The following MAML3 variants were observed in gnomAD, a reference collection of about 807,000 sequenced individuals.
The protein encoded by MAML3 is mastermind-like protein 3.
A neutral mutation model predicts 101.9 loss-of-function variants in MAML3; 27 were observed. That is an observed-to-expected ratio of 0.27 (90% CI 0.20 to 0.37). The LOEUF is 0.37. Among genes scored for constraint, MAML3 ranks in the 10% least tolerant of loss-of-function variants. The probability of loss-of-function intolerance (pLI) is 1.00; values close to 1 mark genes in which losing one functional copy is unlikely to be tolerated. For synonymous variants in MAML3, 501 were observed against 555.9 expected (o/e 0.90, Z 1.39); for missense variants, 1,316 against 1,444.9 (o/e 0.91, Z 1.45).
At chr4:140,011,085 T>C (rs563345113) in intron 1 of MAML3, among the ~76,000 whole-genome samples, 3 of 112,660 alleles carry the variant, frequency 2.7e-5, no homozygotes, top group Non-Finnish European at 5.6e-5. Flanking sequence ...GCGACAGGGC[T>C]AGACTCTGTC....
chr4:140,147,122 A>C (rs1302869219), intron 1 of MAML3, among the ~76,000 whole-genome samples: 1 of 101,044 alleles, frequency 9.9e-6, no homozygotes, highest in African/African-American at 4.3e-5. Flanking sequence ...GCAGAGTGAG[A>C]CTCCATCTCA....
At chr4:140,104,381 ATATATAT>A (rs1183727692) in intron 1 of MAML3, among the ~76,000 whole-genome samples, 1 of 47,740 alleles carries the variant, frequency 2.1e-5, no homozygotes, top group Admixed American at 2.6e-4. Context: ...TATATAATAT[ATATATAT>A]TATATATTAT....
intron 1 of MAML3, among the ~76,000 whole-genome samples, chr4:140,118,364 T>G (rs375632940): frequency 1.3e-5 from 2 of 152,028 alleles, no homozygotes; most frequent in East Asian, 3.9e-4. Flanking sequence ...AGGTTGAAGA[T>G]TAAATGATCT....
intron 1 of MAML3, among the ~76,000 whole-genome samples, chr4:139,938,080 A>G (rs968357295): frequency 2.0e-5 from 3 of 152,130 alleles, no homozygotes; most frequent in African/African-American, 7.2e-5. Context: ...GTGTGTATAT[A>G]TTTACATCCC....
chr4:140,059,464 G>A (rs565698348), intron 1 of MAML3, among the ~76,000 whole-genome samples: 1 of 152,322 alleles, frequency 6.6e-6, no homozygotes, highest in African/African-American at 2.4e-5. Flanking sequence ...ATGTGCTCAG[G>A]AACAGCTGCT....
chr4:139,894,543 G>GAAAA (rs1165734148), intron 1 of MAML3, among the ~76,000 whole-genome samples: 1 of 151,456 alleles, frequency 6.6e-6, no homozygotes, highest in Non-Finnish European at 1.5e-5. Context: ...AAGAAAGAAA[G>GAAAA]AAAGAAAGAA....
intron 1 of MAML3, among the ~76,000 whole-genome samples, chr4:140,080,718 A>G (rs1323211632): frequency 6.6e-6 from 1 of 152,176 alleles, no homozygotes; most frequent in Non-Finnish European, 1.5e-5. Flanking sequence ...TGTTTTCCCA[A>G]TGCAGAGGCC....
chr4:139,792,509 A>C (rs1730432504), intron 2 of MAML3, among the ~76,000 whole-genome samples: 1 of 152,226 alleles, frequency 6.6e-6, no homozygotes, highest in Admixed American at 6.5e-5. Context: ...CCACCATGGC[A>C]TAGCTATTCT....
At chr4:139,885,649 C>T (rs567627179) in intron 2 of MAML3, among the ~76,000 whole-genome samples, 1 of 150,752 alleles carries the variant, frequency 6.6e-6, no homozygotes, top group Non-Finnish European at 1.5e-5. Flanking sequence ...GTAGGCCGGG[C>T]GCCGTGGCTC....
chr4:139,975,760 A>G (rs978542723), intron 1 of MAML3, among the ~76,000 whole-genome samples: 2 of 152,210 alleles, frequency 1.3e-5, no homozygotes, highest in Non-Finnish European at 2.9e-5. Flanking sequence ...ATTGAACTGC[A>G]AAGTGGAGGG....
chr4:139,742,786 G>C (rs932528276), intron 2 of MAML3, among the ~76,000 whole-genome samples: 1 of 152,112 alleles, frequency 6.6e-6, no homozygotes, highest in Non-Finnish European at 1.5e-5. Flanking sequence ...CAGTATAATT[G>C]CCCTTGGGAA....
At chr4:140,123,318 G>C (rs1210016900) in intron 1 of MAML3, among the ~76,000 whole-genome samples, 1 of 152,050 alleles carries the variant, frequency 6.6e-6, no homozygotes, top group Non-Finnish European at 1.5e-5. Flanking sequence ...AAGGAAAAAG[G>C]TACATTTATG....
chr4:140,148,786 A>G (rs992404406), intron 1 of MAML3, among the ~76,000 whole-genome samples: 3 of 152,228 alleles, frequency 2.0e-5, no homozygotes, highest in Non-Finnish European at 4.4e-5. Flanking sequence ...AGTTGTCTCC[A>G]ATACTCGGTA....
At chr4:140,055,962 G>C (rs1322933652) in intron 1 of MAML3, among the ~76,000 whole-genome samples, 1 of 152,022 alleles carries the variant, frequency 6.6e-6, no homozygotes, top group African/African-American at 2.4e-5. Flanking sequence ...AGAGAAAACA[G>C]AAAAAAGAAA....
chr4:139,981,509 T>C (rs1001011090), intron 1 of MAML3, among the ~76,000 whole-genome samples: 7 of 152,244 alleles, frequency 4.6e-5, no homozygotes, highest in African/African-American at 1.7e-4. Context: ...TTTCCTATTA[T>C]TAACGTCTTA....
chr4:139,764,976 G>A (rs1578589690), intron 2 of MAML3, among the ~76,000 whole-genome samples: 3 of 152,200 alleles, frequency 2.0e-5, no homozygotes, highest in East Asian at 1.9e-4. Context: ...AGACAGAGGT[G>A]AGCCCAGCCT....
chr4:139,989,848 C>CCG, intron 1 of MAML3, among the ~76,000 whole-genome samples: 1 of 82,190 alleles, frequency 1.2e-5, no homozygotes, highest in East Asian at 3.8e-4. Flanking sequence ...CACACACAAA[C>CCG]AAACACACAC....
chr4:140,150,840 C>T (rs1488514781), intron 1 of MAML3, among the ~76,000 whole-genome samples: 4 of 152,148 alleles, frequency 2.6e-5, no homozygotes, highest in African/African-American at 9.7e-5. Context: ...CCTCCGGCTA[C>T]AATCAGAAAA....
intron 1 of MAML3, among the ~76,000 whole-genome samples, chr4:139,956,525 T>A (rs1200017385): frequency 6.6e-6 from 1 of 152,176 alleles, no homozygotes; most frequent in Non-Finnish European, 1.5e-5. Context: ...ACTATTTGCC[T>A]TTGGCATAAA....
Sources: gnomAD v4.1 joint callset for allele counts (sites outside exome capture counted in the v4.1 genomes callset) on GRCh38, gnomAD v4.1.1 for gene constraint, MANE v1.5 for transcripts, NCBI Gene and HGNC (gene_info 2026-07-23, HGNC 2026-07-21) for gene names.